The following GRIK1 variants were observed in gnomAD, a reference collection of about 807,000 sequenced individuals.
GRIK1 encodes glutamate receptor ionotropic, kainate 1.
A neutral mutation model predicts 105.7 loss-of-function variants in GRIK1; 69 were observed. The ratio of observed to expected loss-of-function variants is 0.65; its 90% confidence interval spans 0.54 to 0.80. The LOEUF (loss-of-function observed/expected upper bound fraction) is 0.80, where lower values mean the gene tolerates loss of function less well. Ranked by LOEUF, GRIK1 falls within the 30% of genes least tolerant of loss-of-function variation. The probability of loss-of-function intolerance (pLI) is 0.00; values close to 1 mark genes in which losing one functional copy is unlikely to be tolerated. For synonymous variants in GRIK1, 438 were observed against 431.3 expected, an observed-to-expected ratio of 1.02 and a Z score of -0.19; for missense variants, 1,109 against 1,167.3, an observed-to-expected ratio of 0.95 and a Z score of 0.73.
At position 29,913,107 on chromosome 21, in the gene GRIK1, A is replaced by C. The variant is rs543040685; in HGVS notation, c.118+26276T>G. 3.3e-5 allele frequency among the ~76,000 whole-genome samples: 5 copies of C among 152,222 alleles called. No individual in the cohort carries two copies. The East Asian group carries it at 9.6e-4, about 29-fold the overall frequency. ...TGAAAGCAATTTTTCCTGTCCTTTC[A>C]ACATTGAATTCCAGTCCAAAGCACC... On this transcript the variant is annotated intron_variant, in intron 1 of 17. Transcript: ENST00000327783.
Position 29,581,494 on chromosome 21 carries a change from C to T in GRIK1, c.1843G>A (p.Asp615Asn), listed in dbSNP as rs1387874813. 1.2e-6 allele frequency: 2 copies of T among 1,613,256 alleles called. No individual in the cohort carries two copies. Among genetic ancestry groups the T allele is most frequent in the Non-Finnish European group, 1.7e-6 (2 of 1,179,458 alleles). ...AAAGTAAAATTGTTTTCCACCACGT[C>T]TGAGTCAGGGTTGCATGGGTGGGGG... ...YNPHPCNPDS[D>N]VVENNFTLLN... Residue 615 changes from aspartate to asparagine, a missense_variant, in exon 13 of 18, where the codon GAC (aspartate) becomes AAC (asparagine). This residue lies in a region of GRIK1 where 264 missense variants were observed against 306.9 expected (regional missense o/e 0.86). Coordinates refer to ENST00000327783, the MANE Select transcript of GRIK1 (RefSeq NM_001330994.2).
At chr21:29,589,283 T>A (rs933137287) in intron 10 of GRIK1, among the ~76,000 whole-genome samples, 1 of 152,070 alleles carries the variant, frequency 6.6e-6, no homozygotes, top group East Asian at 1.9e-4. Context: ...GGTGGGGCTG[T>A]GCGGGAATGG....
At chr21:29,747,894 A>C (rs897704097) in intron 1 of GRIK1, among the ~76,000 whole-genome samples, 1 of 152,216 alleles carries the variant, frequency 6.6e-6, no homozygotes, top group African/African-American at 2.4e-5. Flanking sequence ...CACTGAAGAA[A>C]TATTCTGTGA....
intron 7 of GRIK1, among the ~76,000 whole-genome samples, chr21:29,608,387 G>A (rs947254057): frequency 3.3e-5 from 5 of 152,046 alleles, no homozygotes; most frequent in South Asian, 2.1e-4. Context: ...TATTTACCTC[G>A]GAGTATAATA....
chr21:29,771,510 G>A (rs1293756627), intron 1 of GRIK1, among the ~76,000 whole-genome samples: 1 of 152,234 alleles, frequency 6.6e-6, no homozygotes, highest in Non-Finnish European at 1.5e-5. Context: ...TGAAGTCTTG[G>A]TAGAAGCAGA....
At chr21:29,933,202 C>T (rs983213969) in intron 1 of GRIK1, among the ~76,000 whole-genome samples, 2 of 151,864 alleles carry the variant, frequency 1.3e-5, no homozygotes, top group African/African-American at 2.4e-5. Context: ...CATAGGTAAC[C>T]GTGTGTCATG....
intron 4 of GRIK1, among the ~76,000 whole-genome samples, chr21:29,656,386 AAAAG>A (rs1237984496): frequency 9.0e-5 from 13 of 143,848 alleles, no homozygotes; most frequent in South Asian, 2.2e-4. Context: ...AAAAAAAAAA[AAAAG>A]AAATGAAGAG....
At chr21:29,680,513 C>T (rs985770957) in intron 3 of GRIK1, among the ~76,000 whole-genome samples, 3 of 152,150 alleles carry the variant, frequency 2.0e-5, no homozygotes, top group Non-Finnish European at 4.4e-5. Context: ...TTCTTTTACT[C>T]CTACTATTCT....
At chr21:29,771,696 T>A (rs1477679529) in intron 1 of GRIK1, among the ~76,000 whole-genome samples, 2 of 152,220 alleles carry the variant, frequency 1.3e-5, no homozygotes, top group Non-Finnish European at 2.9e-5. Flanking sequence ...GGGCTGGATA[T>A]CACTGATGAG....
chr21:29,802,860 G>A (rs2066750859), intron 1 of GRIK1, among the ~76,000 whole-genome samples: 1 of 152,114 alleles, frequency 6.6e-6, no homozygotes, highest in African/African-American at 2.4e-5. Flanking sequence ...TCTTCCACTA[G>A]TATGCTATAT....
intron 1 of GRIK1, among the ~76,000 whole-genome samples, chr21:29,876,288 T>C (rs2069189169): frequency 6.6e-6 from 1 of 152,186 alleles, no homozygotes; most frequent in South Asian, 2.1e-4. Flanking sequence ...AAGTGCTTAG[T>C]GTGATATCTG....
intron 3 of GRIK1, among the ~76,000 whole-genome samples, chr21:29,684,989 T>A (rs2063461833): frequency 6.6e-6 from 1 of 152,212 alleles, no homozygotes; most frequent in Non-Finnish European, 1.5e-5. Flanking sequence ...ATCTATTATG[T>A]ATGTATCTAT....
At chr21:29,805,859 T>C (rs890979539) in intron 1 of GRIK1, among the ~76,000 whole-genome samples, 1 of 152,124 alleles carries the variant, frequency 6.6e-6, no homozygotes, top group African/African-American at 2.4e-5. Context: ...AGTCACTGAT[T>C]GTTGCTAAAA....
intron 1 of GRIK1, among the ~76,000 whole-genome samples, chr21:29,913,299 A>G (rs930303525): frequency 6.6e-6 from 1 of 152,096 alleles, no homozygotes; most frequent in Non-Finnish European, 1.5e-5. Context: ...TTGATGTACT[A>G]TTGTGAAATA....
intron 1 of GRIK1, among the ~76,000 whole-genome samples, chr21:29,753,383 G>C (rs1156693372): frequency 1.3e-5 from 2 of 152,146 alleles, no homozygotes; most frequent in African/African-American, 4.8e-5. Context: ...TTCCTTGGCT[G>C]CCTGTCAAGA....
At chr21:29,919,157 G>T (rs1368154574) in intron 1 of GRIK1, among the ~76,000 whole-genome samples, 2 of 152,042 alleles carry the variant, frequency 1.3e-5, no homozygotes, top group Non-Finnish European at 2.9e-5. Flanking sequence ...AATAGAAAGG[G>T]AGTCAAGGAG....
chr21:29,569,504 C>A (rs2090690111), intron 14 of GRIK1, among the ~76,000 whole-genome samples: 1 of 152,168 alleles, frequency 6.6e-6, no homozygotes, highest in Non-Finnish European at 1.5e-5. Flanking sequence ...AACAAAAACA[C>A]TTTCCTGTAG....
At chr21:29,817,850 A>G (rs767142130) in intron 1 of GRIK1, among the ~76,000 whole-genome samples, 1 of 152,148 alleles carries the variant, frequency 6.6e-6, no homozygotes, top group Non-Finnish European at 1.5e-5. Context: ...TATGTGCCCA[A>G]TATGAGAAAA....
chr21:29,783,510 C>T (rs570551383), intron 1 of GRIK1, among the ~76,000 whole-genome samples: 1 of 152,154 alleles, frequency 6.6e-6, no homozygotes, highest in Non-Finnish European at 1.5e-5. Context: ...TTTATTTACT[C>T]CACATATTAT....
Sources: gnomAD v4.1 joint callset for allele counts (sites outside exome capture counted in the v4.1 genomes callset) on GRCh38, gnomAD v4.1.1 for gene constraint, gnomAD v4.1.1 regional missense constraint, MANE v1.5 for transcripts, NCBI Gene and HGNC (gene_info 2026-07-23, HGNC 2026-07-21) for gene names.